Variants in DPYSL5 observed in about 807,000 individuals in gnomAD.
DPYSL5 encodes dihydropyrimidinase-related protein 5.
DPYSL5 carries 9 observed loss-of-function variants against 58.4 expected under a neutral mutation model. The ratio of observed to expected loss-of-function variants is 0.15; its 90% CI spans 0.09 to 0.27. The LOEUF (loss-of-function observed/expected upper bound fraction) is 0.27, where lower values mean the gene tolerates loss of function less well. DPYSL5 is among the 10% of genes least tolerant of loss of function. The pLI is 1.00. For missense variants in DPYSL5, 499 were observed against 770.6 expected, an observed-to-expected ratio of 0.65 and a Z score of 4.17; for synonymous variants, 293 against 301.9, an observed-to-expected ratio of 0.97 and a Z score of 0.31.
At chr2:26,946,365 C>A (rs114201768) in intron 12 of DPYSL5, among the ~76,000 whole-genome samples, 2 of 151,936 alleles carry the variant, frequency 1.3e-5, no homozygotes, top group Non-Finnish European at 2.9e-5. Context: ...CTGGGCTCTC[C>A]GGGGCACTAG....
chr2:26,902,779 G>T (rs1447706822), intron 2 of DPYSL5, among the ~76,000 whole-genome samples: 4 of 152,152 alleles, frequency 2.6e-5, no homozygotes, highest in Non-Finnish European at 5.9e-5. Flanking sequence ...AGACCTGGCT[G>T]ATACAATAGC....
intron 1 of DPYSL5, among the ~76,000 whole-genome samples, chr2:26,888,172 TTCTC>T (rs1482350759): frequency 6.6e-6 from 1 of 152,142 alleles, no homozygotes; most frequent in Non-Finnish European, 1.5e-5. Context: ...GATTCTTTCT[TTCTC>T]TTTCTTTCTT....
chr2:26,931,203 GTATATATATATATATATATATATA>G (rs373034710), intron 5 of DPYSL5, among the ~76,000 whole-genome samples: 1 of 44,934 alleles, frequency 2.2e-5, no homozygotes, highest in Non-Finnish European at 4.3e-5. Context: ...GTGTGTGTGT[GTATATATATATATATATATATATA>G]TATGAATTAT....
Position 26,927,341 on chromosome 2 carries a change from G to A in DPYSL5, c.509G>A (p.Arg170Gln), listed in dbSNP as rs1371523009. 5.6e-6 allele frequency: 9 copies of A among 1,614,216 alleles called. No individual in the cohort carries two copies. The highest frequency in any genetic ancestry group is 1.1e-5 in the South Asian group (1 of 91,082). ...FMTYKDLYML[R>Q]DSELYQVLHA... ...ACCTACAAGGACCTGTACATGCTTCGAGACAGTGAGCTGTACCAAGTGTTG... is the reference window on the plus strand; with the variant it reads ...ACCTACAAGGACCTGTACATGCTTCAAGACAGTGAGCTGTACCAAGTGTTG... The change falls in exon 4 of 13, where the codon CGA becomes CAA. Residue 170 changes from arginine to glutamine, a missense_variant. Coordinates refer to ENST00000288699, the MANE Select transcript of DPYSL5 (RefSeq NM_020134.4). The surrounding 1 kb of genome is among the most constrained non-coding windows in gnomAD (Gnocchi z 4.3).
At chr2:26,881,167 G>A (rs1663550581) in intron 1 of DPYSL5, among the ~76,000 whole-genome samples, 1 of 151,930 alleles carries the variant, frequency 6.6e-6, no homozygotes, top group South Asian at 2.1e-4. Context: ...CTCACCCTGC[G>A]GCCCACCCCA....
In DPYSL5 at chr2:26,912,790, A is replaced by G. The variant is rs1484296023; in HGVS notation, c.262-12097A>G. On this transcript the variant is annotated intron_variant, in intron 2 of 12. Coordinates refer to ENST00000288699, the MANE Select transcript of DPYSL5 (RefSeq NM_020134.4). ...GGAGCTCCTCATTTCATCATTTTAC[A>G]TGTTGGCACAATTCTCAGTTTTCGC... Among the ~76,000 whole-genome samples, 3 of 152,200 alleles carry G rather than the reference A, an allele frequency of 2.0e-5. No homozygotes were observed. In the East Asian group the frequency reaches 5.8e-4, roughly 29 times the overall value.
rs1449014504 is a variant in DPYSL5 at position 26,905,894 on chromosome 2, G to A, written c.261+7134G>A. Among the ~76,000 whole-genome samples, 2 of 152,190 alleles carry A rather than the reference G, an allele frequency of 1.3e-5. No homozygotes were observed. The highest frequency in any genetic ancestry group is 4.8e-5 in the African/African-American group (2 of 41,446). On this transcript the variant is annotated intron_variant, in intron 2 of 12. Transcript: ENST00000288699. This position sits in a 1 kb window ranked among gnomAD's most constrained non-coding sequence, Gnocchi z 4.0. ...AGCATGACTAGGTCTTCGGCTCAGA[G>A]CCTCGCAAGCCGCCATCCAGGTGTC...
chr2:26,932,878 C>T (rs762879935), intron 6 of DPYSL5, among the ~76,000 whole-genome samples: 5 of 152,276 alleles, frequency 3.3e-5, no homozygotes, highest in Admixed American at 6.5e-5. Flanking sequence ...ACAGAATACA[C>T]GACTAACTCT....
At chr2:26,865,911 T>TAG (rs1666129253) in intron 1 of DPYSL5, among the ~76,000 whole-genome samples, 1 of 152,192 alleles carries the variant, frequency 6.6e-6, no homozygotes, top group Non-Finnish European at 1.5e-5. Context: ...ATCTAACAGA[T>TAG]AGAGACCTGC....
chr2:26,935,270 T>A (rs951612939), intron 8 of DPYSL5, among the ~76,000 whole-genome samples: 1 of 152,194 alleles, frequency 6.6e-6, no homozygotes, highest in African/African-American at 2.4e-5. Context: ...ACACTGCTTT[T>A]TCCCCATGCA....
intron 2 of DPYSL5, among the ~76,000 whole-genome samples, chr2:26,914,683 G>A (rs1664521458): frequency 6.6e-6 from 1 of 152,144 alleles, no homozygotes; most frequent in African/African-American, 2.4e-5. Flanking sequence ...TGGCAGTGTG[G>A]GGTGCACCTG....
At chr2:26,912,320 G>T (rs1664460528) in intron 2 of DPYSL5, among the ~76,000 whole-genome samples, 1 of 152,212 alleles carries the variant, frequency 6.6e-6, no homozygotes, top group African/African-American at 2.4e-5. Context: ...TTCCAGGGCG[G>T]CCTCTCGTCA....
intron 1 of DPYSL5, among the ~76,000 whole-genome samples, chr2:26,896,620 C>T (rs543748027): frequency 6.6e-6 from 1 of 152,202 alleles, no homozygotes; most frequent in Admixed American, 6.5e-5. Flanking sequence ...TTAACTTGTA[C>T]TTTTCTGATG....
intron 1 of DPYSL5, among the ~76,000 whole-genome samples, chr2:26,879,269 G>C (rs557551519): frequency 5.3e-5 from 8 of 152,174 alleles, no homozygotes; most frequent in African/African-American, 1.9e-4. Flanking sequence ...TGATTTAGTA[G>C]GTAGAACCAA....
Position 26,877,367 on chromosome 2 carries a change from T to C in DPYSL5, c.-4-21129T>C, listed in dbSNP as rs1341807307. Among the ~76,000 whole-genome samples the C allele has an allele frequency of 6.6e-6, 1 of 152,312 alleles. No homozygotes were observed. The highest frequency in any genetic ancestry group is 1.5e-5 in the Non-Finnish European group (1 of 68,024). On this transcript the variant is annotated intron_variant, in intron 1 of 12. Coordinates refer to ENST00000288699, the MANE Select transcript of DPYSL5 (RefSeq NM_020134.4). The surrounding 1 kb of genome is among the most constrained non-coding windows in gnomAD (Gnocchi z 4.1). Reference sequence around the variant, plus strand: ...TGTATTTAGAACAGAAGGTATTCCATGAATAACATCAAAACAATGTGGACA... The same window carrying C: ...TGTATTTAGAACAGAAGGTATTCCACGAATAACATCAAAACAATGTGGACA...
chr2:26,849,934 G>A lies in DPYSL5; in HGVS notation c.-5+1680G>A, dbSNP rs185573224. Among the ~76,000 whole-genome samples, 155 of 152,320 alleles carry A rather than the reference G, an allele frequency of 1.0e-3. No homozygotes were observed. The highest frequency in any genetic ancestry group is 3.6e-3 in the African/African-American group (150 of 41,584). ...CGCCCCGCGCTGTCCACCCGCTGCC[G>A]AGACGCGGCGTGGTTAGCGGCGCGG... On this transcript the variant is annotated intron_variant, in intron 1 of 12. Coordinates refer to ENST00000288699, the MANE Select transcript of DPYSL5 (RefSeq NM_020134.4). The surrounding 1 kb of genome is among the most constrained non-coding windows in gnomAD (Gnocchi z 6.2).
chr2:26,898,455 G>A lies in DPYSL5; in HGVS notation c.-4-41G>A, dbSNP rs1664070588. 2 of 1,597,478 alleles carry A rather than the reference G, an allele frequency of 1.3e-6. No individual in the cohort carries two copies. Among genetic ancestry groups the A allele is most frequent in the Admixed American group, 1.7e-5 (1 of 59,368 alleles). ...GGAGGGATGGGAAACTGGAAACAGTGAGAAGGGACTTTGACCTTGACCATG... is the reference window on the plus strand; with the variant it reads ...GGAGGGATGGGAAACTGGAAACAGTAAGAAGGGACTTTGACCTTGACCATG... On this transcript the variant is annotated intron_variant, in intron 1 of 12. Transcript: ENST00000288699. The surrounding 1 kb of genome is among the most constrained non-coding windows in gnomAD (Gnocchi z 6.1).
In DPYSL5 at chr2:26,898,424, T is replaced by C. The variant is rs111341011; in HGVS notation, c.-4-72T>C. ...TTACCCTGACCATGGAATTTGGGCT[T>C]TGATAGGAGGGATGGGAAACTGGAA... On this transcript the variant is annotated intron_variant, in intron 1 of 12. Transcript: ENST00000288699. This position sits in a 1 kb window ranked among gnomAD's most constrained non-coding sequence, Gnocchi z 6.1. 1,425 of 1,564,390 alleles carry C rather than the reference T, an allele frequency of 9.1e-4. 11 individuals carry two copies. In the African/African-American group the frequency reaches 0.018, roughly 19 times the overall value.
intron 1 of DPYSL5, among the ~76,000 whole-genome samples, chr2:26,866,281 C>T (rs1161704875): frequency 1.3e-5 from 2 of 152,194 alleles, no homozygotes; most frequent in Non-Finnish European, 2.9e-5. Flanking sequence ...GTGCATGACA[C>T]ATAATAGAGG....
Sources: allele counts gnomAD v4.1 joint callset (sites outside exome capture counted in the v4.1 genomes callset), GRCh38; gene constraint gnomAD v4.1.1; non-coding constraint Gnocchi (gnomAD v3.1); transcripts MANE v1.5; gene names NCBI Gene and HGNC (gene_info 2026-07-23, HGNC 2026-07-21).